The following SNX29 variants were observed in gnomAD, a reference collection of about 807,000 sequenced individuals.
The protein encoded by SNX29 is sorting nexin-29.
In SNX29, 78 loss-of-function variants were observed where a neutral mutation model predicts 102.1. The observed-to-expected ratio is 0.76, with a 90% CI of 0.64 to 0.92. The LOEUF is 0.92. Ranked by LOEUF, SNX29 falls within the 40% of genes least tolerant of loss-of-function variation. The pLI is 0.00. For synonymous variants in SNX29, 580 were observed against 414.5 expected (o/e 1.40, Z -4.85); for missense variants, 1,280 against 1,061.7 (o/e 1.21, Z -2.86).
chr16:12,568,167 G>A (rs1229739992), intron 20 of SNX29, among the ~76,000 whole-genome samples: 1 of 152,106 alleles, frequency 6.6e-6, no homozygotes, highest in Non-Finnish European at 1.5e-5. Flanking sequence ...TACCTTTGCT[G>A]GAAAATCAAG....
intron 14 of SNX29, among the ~76,000 whole-genome samples, chr16:12,220,960 T>C (rs1463704950): frequency 6.6e-6 from 1 of 152,176 alleles, no homozygotes; most frequent in African/African-American, 2.4e-5. Flanking sequence ...TTTCTAAAAA[T>C]GAATAAATAT....
At chr16:12,567,551 G>A (rs75292424) in intron 20 of SNX29, among the ~76,000 whole-genome samples, 77 of 152,192 alleles carry the variant, frequency 5.1e-4, no homozygotes, top group Non-Finnish European at 7.5e-4. Context: ...TTAGGAGGCT[G>A]AGCAAGAGGA....
intron 19 of SNX29, among the ~76,000 whole-genome samples, chr16:12,504,585 C>G (rs918671042): frequency 2.0e-5 from 3 of 152,198 alleles, no homozygotes; most frequent in Non-Finnish European, 4.4e-5. Flanking sequence ...CCCCCCTTAT[C>G]CAAGGTTTTA....
intron 11 of SNX29, among the ~76,000 whole-genome samples, chr16:12,105,873 A>T (rs1476454968): frequency 6.6e-6 from 1 of 152,058 alleles, no homozygotes; most frequent in Non-Finnish European, 1.5e-5. Flanking sequence ...GAATGAGTGG[A>T]GAAGTTGGGT....
chr16:12,169,387 C>A (rs889355856), intron 13 of SNX29, among the ~76,000 whole-genome samples: 1 of 152,126 alleles, frequency 6.6e-6, no homozygotes, highest in African/African-American at 2.4e-5. Flanking sequence ...TGATCACGGG[C>A]TTCCTTTTCA....
chr16:12,544,834 C>A (rs144313532), intron 20 of SNX29, among the ~76,000 whole-genome samples: 1 of 152,328 alleles, frequency 6.6e-6, no homozygotes, highest in East Asian at 1.9e-4. Flanking sequence ...AGCAAGAACT[C>A]CTTGGGGAAA....
chr16:12,088,086 C>A (rs1171451558), intron 11 of SNX29: 1 of 456,666 alleles, frequency 2.2e-6, no homozygotes, highest in Non-Finnish European at 4.4e-6. Flanking sequence ...AGGATGGGTG[C>A]TCTCCACACA....
chr16:12,564,239 C>A lies in SNX29; in HGVS notation c.2319-4267C>A, dbSNP rs190873095. ...CCCCACATCTCTAAGAGAAAAAAAT[C>A]TCTACTCAGTTCCTTTGGTATATTA... is the stretch of plus-strand genomic sequence containing the variant. On this transcript the variant is annotated intron_variant, in intron 20 of 20. Coordinates refer to ENST00000566228, the MANE Select transcript of SNX29 (RefSeq NM_032167.5). Among the ~76,000 whole-genome samples, 142 of 152,266 alleles carry A rather than the reference C, an allele frequency of 9.3e-4. 1 individual carries two copies. The highest frequency in any genetic ancestry group is 1.3e-4 in the Non-Finnish European group (9 of 68,026).
At chr16:12,432,247 G>A (rs142766659) in intron 18 of SNX29, among the ~76,000 whole-genome samples, 198 of 152,306 alleles carry the variant, frequency 1.3e-3, no homozygotes, top group South Asian at 5.2e-3. Flanking sequence ...TTACGCATTC[G>A]CCAATTACCG....
chr16:12,562,462 C>T (rs531604564), intron 20 of SNX29, among the ~76,000 whole-genome samples: 2 of 152,310 alleles, frequency 1.3e-5, no homozygotes, highest in South Asian at 2.1e-4. Flanking sequence ...GATCCCCCTT[C>T]ATAGGCTAGG....
intron 11 of SNX29, among the ~76,000 whole-genome samples, chr16:12,101,392 T>A (rs1056106020): frequency 1.5e-4 from 23 of 151,264 alleles, no homozygotes; most frequent in Middle Eastern, 3.4e-3. Context: ...TTTTATTTTT[T>A]TTTTTTTTTG....
At chr16:12,060,464 T>C (rs564750296) in intron 8 of SNX29, among the ~76,000 whole-genome samples, 1 of 152,248 alleles carries the variant, frequency 6.6e-6, no homozygotes, top group African/African-American at 2.4e-5. Flanking sequence ...TAGCCGGGTA[T>C]GGTGGCTCAC....
At chr16:12,544,693 C>G (rs113626469) in intron 20 of SNX29, among the ~76,000 whole-genome samples, 2 of 152,222 alleles carry the variant, frequency 1.3e-5, no homozygotes, top group African/African-American at 4.8e-5. Flanking sequence ...CACTCGAATT[C>G]TCTTCCTCCA....
At chr16:12,328,648 G>C (rs2081196620) in intron 15 of SNX29, among the ~76,000 whole-genome samples, 1 of 152,090 alleles carries the variant, frequency 6.6e-6, no homozygotes, top group Non-Finnish European at 1.5e-5. Flanking sequence ...AACCTTTCTT[G>C]GAAAAGAATC....
intron 15 of SNX29, among the ~76,000 whole-genome samples, chr16:12,344,053 T>C (rs1031529413): frequency 2.6e-5 from 4 of 152,220 alleles, no homozygotes. Flanking sequence ...CTGATGGTTT[T>C]ATGAGAGGTT....
Position 12,464,229 on chromosome 16 carries a change from C to CGTGTGTGTGTGTGTGTGTGTGT in SNX29, c.2038-13474_2038-13473insGTGTGTGTGTGTGTGTGTGTGT, listed in dbSNP as rs138917966. ...TTTATGGCTGAATATTATTCCATGG[C>CGTGTGTGTGTGTGTGTGTGTGT]GTGTGTGTGTGTGTGTACCACATAT... On this transcript the variant is annotated intron_variant, in intron 18 of 20. Coordinates refer to ENST00000566228, the MANE Select transcript of SNX29 (RefSeq NM_032167.5). 2.2e-3 allele frequency among the ~76,000 whole-genome samples: 307 copies of CGTGTGTGTGTGTGTGTGTGTGT among 141,046 alleles called. 4 individuals carry two copies. The highest frequency in any genetic ancestry group is 0.017 in the South Asian group (73 of 4,384). The allele number at this position is 141,046 out of a possible 152,430, so 92.5% of individuals were successfully genotyped here. A position where few individuals can be genotyped will look rare whatever the true frequency, so the allele number is the denominator to read the frequency against.
chr16:12,446,044 A>G (rs1385608737), intron 18 of SNX29, among the ~76,000 whole-genome samples: 1 of 122,032 alleles, frequency 8.2e-6, no homozygotes, highest in Non-Finnish European at 1.6e-5. Flanking sequence ...GTAGCTTCTC[A>G]TTCTTTTTTT....
At chr16:12,525,039 A>C (rs1228690008) in intron 20 of SNX29, among the ~76,000 whole-genome samples, 198 bp downstream of exon 20, 2 of 152,180 alleles carry the variant, frequency 1.3e-5, no homozygotes, top group African/African-American at 4.8e-5. Flanking sequence ...GGATGGGAAG[A>C]GAGCAGGCCT....
At chr16:12,257,384 T>C (rs1202847853) in intron 14 of SNX29, among the ~76,000 whole-genome samples, 1 of 152,206 alleles carries the variant, frequency 6.6e-6, no homozygotes, top group Non-Finnish European at 1.5e-5. Flanking sequence ...TATACTCTCC[T>C]ATCTCAAGGT....
Sources: gnomAD v4.1 joint callset for allele counts (sites outside exome capture counted in the v4.1 genomes callset) on GRCh38, gnomAD v4.1.1 for gene constraint, MANE v1.5 for transcripts, NCBI Gene and HGNC (gene_info 2026-07-23, HGNC 2026-07-21) for gene names.